Variants in ZFHX3 observed in about 807,000 individuals in gnomAD.
ZFHX3 encodes zinc finger homeobox protein 3.
Under a neutral mutation model 279.1 loss-of-function variants are expected in ZFHX3, and 42 were observed. The ratio of observed to expected loss-of-function variants is 0.15; its 90% CI spans 0.12 to 0.19. ZFHX3 has a LOEUF of 0.19. Among genes scored for constraint, ZFHX3 ranks in the 10% least tolerant of loss-of-function variants. The pLI is 1.00. For missense variants in ZFHX3, 4,981 were observed against 4,754.0 expected (o/e 1.05, Z -1.40); for synonymous variants, 2,293 against 1,957.8 (o/e 1.17, Z -4.52).
chr16:73,535,722 C>CTTTTTTTTTTTTTTTTTTTTT (rs56867952), intron 2 of ZFHX3, among the ~76,000 whole-genome samples: 1 of 139,004 alleles, frequency 7.2e-6, no homozygotes, highest in Non-Finnish European at 1.5e-5. Flanking sequence ...TGCCCCCTAT[C>CTTTTTTTTTTTTTTTTTTTTT]TTTTTTTTTT....
At chr16:73,659,008 T>A (rs992874440) in intron 2 of ZFHX3, among the ~76,000 whole-genome samples, 8 of 151,548 alleles carry the variant, frequency 5.3e-5, no homozygotes, top group Non-Finnish European at 1.0e-4. Context: ...AACGGAAAAA[T>A]TAAGAGTTGA....
intron 8 of ZFHX3, among the ~76,000 whole-genome samples, chr16:72,799,698 C>T (rs555161691): frequency 6.6e-6 from 1 of 152,292 alleles, no homozygotes; most frequent in Admixed American, 6.5e-5. Flanking sequence ...CTCAGAAATA[C>T]AGTGTTTAAT....
intron 2 of ZFHX3, among the ~76,000 whole-genome samples, chr16:73,496,042 T>C (rs1390374817): frequency 6.6e-6 from 1 of 152,206 alleles, no homozygotes; most frequent in Non-Finnish European, 1.5e-5. Context: ...AGTTTAGAAT[T>C]TGCAGACTCG....
chr16:72,959,785 C>G lies in ZFHX3; in HGVS notation c.361G>C (p.Asp121His). The G allele has an allele frequency of 6.2e-7, 1 of 1,602,546 alleles. No individual in the cohort carries two copies. Reference sequence around the variant, plus strand: ...AGGTTCTCCACGTCACTCTCCTCGTCCCCCTCCTCACCGGTGTCGCTGGCG... The same window carrying G: ...AGGTTCTCCACGTCACTCTCCTCGTGCCCCTCCTCACCGGTGTCGCTGGCG... ...ESASDTGEEG[D>H]EESDVENLAG... is the part of the protein sequence containing the mutation. Residue 121 changes from aspartate to histidine, a missense_variant, in exon 2 of 10, where the codon GAC (aspartate) becomes CAC (histidine). Physicochemically the swap from Asp to His is moderately conservative, Grantham distance 81 (BLOSUM62 -1). This residue lies in a region of ZFHX3 where 1,068 missense variants were observed against 935.2 expected (regional missense o/e 1.14). Transcript: ENST00000268489.
intron 3 of ZFHX3, among the ~76,000 whole-genome samples, chr16:72,948,608 G>A (rs187386482): frequency 7.9e-5 from 12 of 152,252 alleles, no homozygotes; most frequent in African/African-American, 2.4e-4. Flanking sequence ...CAAGACTCCA[G>A]CCGCACGGAG....
chr16:73,440,728 G>C (rs1467896014), intron 3 of ZFHX3, among the ~76,000 whole-genome samples: 1 of 152,072 alleles, frequency 6.6e-6, no homozygotes, highest in Non-Finnish European at 1.5e-5. Context: ...AACCATCATG[G>C]CCAGCCTTTC....
chr16:72,867,157 A>G (rs2038042943), intron 4 of ZFHX3, among the ~76,000 whole-genome samples: 1 of 152,112 alleles, frequency 6.6e-6, no homozygotes, highest in Admixed American at 6.5e-5. Flanking sequence ...GGCATCCTCA[A>G]CCCCACAGGA....
intron 3 of ZFHX3, among the ~76,000 whole-genome samples, chr16:73,354,563 C>A (rs1399982919): frequency 2.0e-5 from 3 of 152,188 alleles, no homozygotes; most frequent in Non-Finnish European, 4.4e-5. Context: ...ACCAGCATGG[C>A]CTCTGGACCA....
chr16:73,512,466 A>G (rs927808944), intron 2 of ZFHX3, among the ~76,000 whole-genome samples: 3 of 151,014 alleles, frequency 2.0e-5, no homozygotes, highest in Non-Finnish European at 4.4e-5. Context: ...AAAAAAAAAA[A>G]GAATGGATCT....
At chr16:73,537,057 A>T (rs2019914532) in intron 2 of ZFHX3, among the ~76,000 whole-genome samples, 1 of 152,308 alleles carries the variant, frequency 6.6e-6, no homozygotes, top group South Asian at 2.1e-4. Flanking sequence ...GCAATAAGTT[A>T]TCTATTTCAT....
At chr16:72,843,477 CTCCA>C (rs1379891649) in intron 4 of ZFHX3, among the ~76,000 whole-genome samples, 9 of 142,874 alleles carry the variant, frequency 6.3e-5, no homozygotes, top group East Asian at 4.3e-4. Context: ...CGCCACTGCA[CTCCA>C]TCCAGCCTGG....
intron 1 of ZFHX3, among the ~76,000 whole-genome samples, chr16:73,718,198 G>A (rs554389194): frequency 6.6e-6 from 1 of 152,158 alleles, no homozygotes; most frequent in Non-Finnish European, 1.5e-5. Flanking sequence ...ATGACTTGAG[G>A]CCAGGAACTC....
intron 4 of ZFHX3, among the ~76,000 whole-genome samples, chr16:72,888,657 G>C (rs1250191068): frequency 6.6e-6 from 1 of 152,226 alleles, no homozygotes; most frequent in Admixed American, 6.5e-5. Flanking sequence ...GGGAAGGCAA[G>C]GGAAGGGGAA....
At chr16:72,900,015 G>C (rs1399505892) in intron 3 of ZFHX3, among the ~76,000 whole-genome samples, 1 of 150,706 alleles carries the variant, frequency 6.6e-6, no homozygotes, top group African/African-American at 2.4e-5. Context: ...TTATGACATG[G>C]ACAGAGGATA....
At chr16:73,297,622 G>A (rs1050452200) in intron 4 of ZFHX3, among the ~76,000 whole-genome samples, 3 of 152,014 alleles carry the variant, frequency 2.0e-5, no homozygotes, top group African/African-American at 7.3e-5. Context: ...CGGGACACAT[G>A]TAGCCCTGAT....
chr16:72,885,483 A>G (rs1272889044), intron 4 of ZFHX3, among the ~76,000 whole-genome samples: 1 of 152,246 alleles, frequency 6.6e-6, no homozygotes, highest in Non-Finnish European at 1.5e-5. Context: ...GGCAGGCTAC[A>G]TGATGAACTG....
At chr16:73,507,166 C>A (rs2019341483) in intron 2 of ZFHX3, among the ~76,000 whole-genome samples, 1 of 152,160 alleles carries the variant, frequency 6.6e-6, no homozygotes, top group Admixed American at 6.5e-5. Flanking sequence ...TAGATAGGCA[C>A]ACTCTGATTC....
chr16:73,182,254 C>G (rs188889471), intron 5 of ZFHX3, among the ~76,000 whole-genome samples: 1 of 152,230 alleles, frequency 6.6e-6, no homozygotes, highest in South Asian at 2.1e-4. Context: ...GTTGGGAGTT[C>G]GAGACCACCC....
chr16:73,818,568 T>C (rs1278765008), intron 1 of ZFHX3, among the ~76,000 whole-genome samples: 2 of 152,176 alleles, frequency 1.3e-5, no homozygotes, highest in Admixed American at 6.5e-5. Flanking sequence ...TGCTCAACTT[T>C]GTATCAAAGC....
Sources: gnomAD v4.1 joint callset for allele counts (sites outside exome capture counted in the v4.1 genomes callset) on GRCh38, gnomAD v4.1.1 for gene constraint, gnomAD v4.1.1 regional missense constraint, MANE v1.5 for transcripts, NCBI Gene and HGNC (gene_info 2026-07-23, HGNC 2026-07-21) for gene names.